Variants in SNX17 observed in about 807,000 individuals in gnomAD.
SNX17 encodes sorting nexin-17.
A neutral mutation model predicts 64.3 loss-of-function variants in SNX17; 35 were observed. The observed-to-expected ratio is 0.54, with a 90% CI of 0.42 to 0.72. The LOEUF (loss-of-function observed/expected upper bound fraction) is 0.72. Among genes scored for constraint, SNX17 ranks in the 30% least tolerant of loss-of-function variants. The pLI is 0.00. For missense variants in SNX17, 538 were observed against 610.0 expected (o/e 0.88, Z 1.24); for synonymous variants, 259 against 230.2 (o/e 1.13, Z -1.13).
At position 27,373,465 on chromosome 2, in the gene SNX17, C is replaced by T. The variant is rs556665062; in HGVS notation, c.321+154C>T. On this transcript the variant is annotated intron_variant, in intron 4 of 14. Transcript: ENST00000233575. ...GCAATCTCCGCCTCCCGGATTCAAG[C>T]GATTCTCCTGCCTCAGCCTCCCAAG... The T allele has an allele frequency of 3.6e-4, 256 of 706,196 alleles. 2 individuals carry two copies. The highest frequency in any genetic ancestry group is 5.1e-4 in the Non-Finnish European group (213 of 419,720). The allele number at this position is 706,196 out of a possible 1,614,324, so 43.7% of individuals were successfully genotyped here. A position where few individuals can be genotyped will look rare whatever the true frequency, so the allele number is the denominator to read the frequency against.
At chr2:27,372,284 G>A (rs573221463) in intron 2 of SNX17, among the ~76,000 whole-genome samples, 1 of 152,218 alleles carries the variant, frequency 6.6e-6, no homozygotes, top group South Asian at 2.1e-4. Context: ...GCTATTAACT[G>A]TGCACTTTAT....
At chr2:27,376,412 C>T in intron 13 of SNX17, 25 bp downstream of exon 13, 1 of 1,614,046 alleles carries the variant, frequency 6.2e-7, no homozygotes, top group Non-Finnish European at 8.5e-7. Context: ...CTGGTCAGAA[C>T]CCTGGCTCTC....
chr2:27,376,861 G>A lies in SNX17; in HGVS notation c.*142G>A, dbSNP rs954724069. The A allele has an allele frequency of 2.4e-5, 16 of 671,084 alleles. No homozygotes were observed. Among genetic ancestry groups the A allele is most frequent in the Middle Eastern group, 4.1e-4 (1 of 2,430 alleles). 41.6% of individuals were successfully genotyped at this position (671,084 alleles called of 1,614,324 possible). A position where few individuals can be genotyped will look rare whatever the true frequency, so the allele number is the denominator to read the frequency against. ...CCCTTTTCTCTTGGCCAGGGGCCTCGTATCCTACCTTTCCTTGTCCCCTGG... is the reference window on the plus strand; with the variant it reads ...CCCTTTTCTCTTGGCCAGGGGCCTCATATCCTACCTTTCCTTGTCCCCTGG... On this transcript the variant is annotated 3_prime_UTR_variant, in exon 15 of 15. Coordinates refer to ENST00000233575, the MANE Select transcript of SNX17 (RefSeq NM_014748.4).
rs759623159 is a variant in SNX17 at position 27,376,465 on chromosome 2, CTCT to C, written c.1258-8_1258-6del. The C allele has an allele frequency of 1.2e-5, 20 of 1,614,064 alleles. No homozygotes were observed. Among genetic ancestry groups the C allele is most frequent in the Non-Finnish European group, 1.7e-5 (20 of 1,180,048 alleles). ...CCTAGTGAGTTTCTGACACCTCTGC[CTCT>C]TCTTCCCCAGGAGTCACCTGATGCC... On this transcript the variant is annotated splice_polypyrimidine_tract_variant and intron_variant, in intron 13 of 14. Transcript: ENST00000233575.
At position 27,376,470 on chromosome 2, in the gene SNX17, C is replaced by T. The variant is rs778239772; in HGVS notation, c.1258-9C>T. ...TGAGTTTCTGACACCTCTGCCTCTT[C>T]TTCCCCAGGAGTCACCTGATGCCAC... On this transcript the variant is annotated splice_polypyrimidine_tract_variant and intron_variant, in intron 13 of 14. Transcript: ENST00000233575. 3.1e-6 allele frequency: 5 copies of T among 1,614,190 alleles called. No homozygotes were observed. The highest frequency in any genetic ancestry group is 2.7e-5 in the African/African-American group (2 of 75,050).
intron 6 of SNX17, 59 bp downstream of exon 6, chr2:27,374,234 C>G (rs1682929628): frequency 1.3e-6 from 2 of 1,545,494 alleles, no homozygotes; most frequent in Non-Finnish European, 1.8e-6. Context: ...TTGCAGCCCC[C>G]CTAACTCCCC....
rs1020744578 is a variant in SNX17, at chr2:27,375,430, G to A, written c.775-76G>A. The A allele has an allele frequency of 3.3e-6, 5 of 1,520,836 alleles. No homozygotes were observed. In the African/African-American group the frequency reaches 4.1e-5, roughly 12 times the overall value. 94.2% of individuals were successfully genotyped at this position (1,520,836 alleles called of 1,614,324 possible). ...TGGGATTATAGGCATGAGCCACCGC[G>A]CCCGACCGGGGTTGCTTTTTCTGAG... is the stretch of plus-strand genomic sequence containing the variant. On this transcript the variant is annotated intron_variant, in intron 9 of 14. Transcript: ENST00000233575. The surrounding 1 kb of genome is among the most constrained non-coding windows in gnomAD (Gnocchi z 4.1).
intron 6 of SNX17, 68 bp downstream of exon 6, chr2:27,374,243 C>T: frequency 6.9e-7 from 1 of 1,457,436 alleles, no homozygotes; most frequent in Non-Finnish European, 9.6e-7. Context: ...CCCTAACTCC[C>T]CACCCCCACC....
chr2:27,372,809 TC>T, intron 3 of SNX17, 69 bp downstream of exon 3: 1 of 1,583,436 alleles, frequency 6.3e-7, no homozygotes, highest in East Asian at 2.2e-5. Flanking sequence ...AACAGCTGGT[TC>T]TGTGGAAGGG....
At chr2:27,371,441 G>A in intron 2 of SNX17, 98 bp downstream of exon 2, 1 of 1,479,922 alleles carries the variant, frequency 6.8e-7, no homozygotes, top group Admixed American at 2.5e-5. Flanking sequence ...CCCGTAGGCT[G>A]TAGTTCCCCT....
chr2:27,374,562 G>C, intron 7 of SNX17, 127 bp from the exon 8 acceptor site: 2 of 1,239,558 alleles, frequency 1.6e-6, no homozygotes, highest in South Asian at 1.2e-5. Context: ...GGCCTCCCAA[G>C]CTTCCTCCCA....
chr2:27,373,563 G>A (rs527731292), intron 4 of SNX17: 57 of 532,896 alleles, frequency 1.1e-4, no homozygotes, highest in Middle Eastern at 1.0e-3. Flanking sequence ...GGGTTTTGCC[G>A]TGTTGGCCTG....
rs773179800 is a variant in SNX17, at chr2:27,376,682, A to G, written c.1376A>G (p.Asn459Ser). 1.5e-5 allele frequency: 24 copies of G among 1,614,140 alleles called. No homozygotes were observed. The highest frequency in any genetic ancestry group is 2.2e-5 in the East Asian group (1 of 44,874). Reference protein sequence around the residue: ...TDASASDVHGNFAFEGIGDED... With the variant: ...TDASASDVHGSFAFEGIGDED... ...GCCAGTGCCAGTGATGTCCACGGCAATTTCGCCTTCGAGGGCATTGGAGAT... is the reference window on the plus strand; with the variant it reads ...GCCAGTGCCAGTGATGTCCACGGCAGTTTCGCCTTCGAGGGCATTGGAGAT... The change falls in exon 15 of 15, where the codon AAT becomes AGT. Residue 459 changes from asparagine to serine, a missense_variant. Transcript: ENST00000233575.
chr2:27,375,785 G>T lies in SNX17; in HGVS notation c.979-61G>T. The stretch of plus-strand genomic sequence containing the variant: ...TTGAGCTTAGGTATGGGCTGCAGCG[G>T]GTCAGGGAGCCAGACAGGTTGGTCA... On this transcript the variant is annotated intron_variant, in intron 10 of 14. Coordinates refer to ENST00000233575, the MANE Select transcript of SNX17 (RefSeq NM_014748.4). The surrounding 1 kb of genome is among the most constrained non-coding windows in gnomAD (Gnocchi z 4.1). 2.5e-6 allele frequency: 4 copies of T among 1,610,104 alleles called. No homozygotes were observed. The South Asian group carries it at 4.4e-5, about 18-fold the overall frequency.
chr2:27,376,990 C>T lies in SNX17; in HGVS notation c.*271C>T. 1 of 473,856 alleles carries T rather than the reference C, an allele frequency of 2.1e-6. No individual in the cohort carries two copies. The highest frequency in any genetic ancestry group is 3.9e-6 in the Non-Finnish European group (1 of 259,582). The allele number at this position is 473,856 out of a possible 1,614,324, so 29.4% of individuals were successfully genotyped here. A position where few individuals can be genotyped will look rare whatever the true frequency, so the allele number is the denominator to read the frequency against. On this transcript the variant is annotated 3_prime_UTR_variant, in exon 15 of 15. Coordinates refer to ENST00000233575, the MANE Select transcript of SNX17 (RefSeq NM_014748.4). Reference sequence around the variant, plus strand: ...AAGTCTAAGGGACCATGGCTGCCTGCCTTGGGGAGGAACCATATCTCCCTC... The same window carrying T: ...AAGTCTAAGGGACCATGGCTGCCTGTCTTGGGGAGGAACCATATCTCCCTC...
In SNX17 at chr2:27,374,252, C is replaced by T; in HGVS notation, c.523+77C>T. The T allele has an allele frequency of 2.7e-6, 4 of 1,494,170 alleles. No homozygotes were observed. In the South Asian group the frequency reaches 4.5e-5, roughly 17 times the overall value. 92.6% of individuals were successfully genotyped at this position (1,494,170 alleles called of 1,614,324 possible). A position where few individuals can be genotyped will look rare whatever the true frequency, so the allele number is the denominator to read the frequency against. ...CAGCCCCCCTAACTCCCCACCCCCA[C>T]CCCCAGAATGAACATTGCCTCAGGG... On this transcript the variant is annotated intron_variant, in intron 6 of 14. Transcript: ENST00000233575.
At position 27,374,606 on chromosome 2, in the gene SNX17, T is replaced by TC. The variant is rs1177527659; in HGVS notation, c.612-81dup. The TC allele has an allele frequency of 2.8e-6, 4 of 1,416,610 alleles. No homozygotes were observed. In the African/African-American group the frequency reaches 5.6e-5, roughly 20 times the overall value. 87.8% of individuals were successfully genotyped at this position (1,416,610 alleles called of 1,614,324 possible). A position where few individuals can be genotyped will look rare whatever the true frequency, so the allele number is the denominator to read the frequency against. On this transcript the variant is annotated intron_variant, in intron 7 of 14. Transcript: ENST00000233575. ...TTAGCCCCTGATAGTTCCAGATTGC[T>TC]CCTGTTTTGCCCATTTTCCATTCTA...
At chr2:27,372,770 A>G (rs773186509) in intron 3 of SNX17, 30 bp downstream of exon 3, 2 of 1,613,730 alleles carry the variant, frequency 1.2e-6, no homozygotes, top group African/African-American at 1.3e-5. Context: ...TAGGTTGACT[A>G]TATTGAGGAC....
rs1683378323 is a variant in SNX17, at chr2:27,377,518, A to G, written c.*799A>G. ...AAAAGGTGGCTTCTGGTCCGTCTGT[A>G]TAAAACATGGGGAAGAAGGACCTAG... On this transcript the variant is annotated 3_prime_UTR_variant, in exon 15 of 15. Transcript: ENST00000233575. The surrounding 1 kb of genome is among the most constrained non-coding windows in gnomAD (Gnocchi z 4.4). 2 of 1,612,150 alleles carry G rather than the reference A, an allele frequency of 1.2e-6. No homozygotes were observed. Among genetic ancestry groups the G allele is most frequent in the Non-Finnish European group, 1.7e-6 (2 of 1,178,552 alleles).
Sources: allele counts gnomAD v4.1 joint callset (sites outside exome capture counted in the v4.1 genomes callset), GRCh38; gene constraint gnomAD v4.1.1; non-coding constraint Gnocchi (gnomAD v3.1); transcripts MANE v1.5; gene names NCBI Gene and HGNC (gene_info 2026-07-23, HGNC 2026-07-21).